DTNA: variants seen among roughly 807,000 people sequenced by gnomAD.
DTNA encodes the protein dystrobrevin alpha.
DTNA carries 43 observed loss-of-function variants against 100.7 expected under a neutral mutation model. That is an observed-to-expected ratio of 0.43 (90% confidence interval 0.33 to 0.55). The LOEUF (loss-of-function observed/expected upper bound fraction) is 0.55, where lower values mean the gene tolerates loss of function less well. DTNA is among the 20% of genes least tolerant of loss of function. The probability of loss-of-function intolerance (pLI) is 0.04; values close to 1 mark genes in which losing one functional copy is unlikely to be tolerated. For missense variants in DTNA, 798 were observed against 953.9 expected (o/e 0.84, Z 2.15); for synonymous variants, 349 against 347.9 (o/e 1.00, Z -0.04).
At chr18:34,609,617 C>G (rs1026928261) in intron 1 of DTNA, among the ~76,000 whole-genome samples, 1 of 152,120 alleles carries the variant, frequency 6.6e-6, no homozygotes, top group African/African-American at 2.4e-5. Flanking sequence ...CCTGATATAG[C>G]TACTGTCTTC....
chr18:34,667,206 A>G (rs1215568389), intron 1 of DTNA, among the ~76,000 whole-genome samples: 5 of 152,182 alleles, frequency 3.3e-5, no homozygotes, highest in African/African-American at 1.2e-4. Context: ...GAGTTCACTC[A>G]TGATTTGGCT....
At chr18:34,798,039 G>T (rs976473785) in intron 4 of DTNA, among the ~76,000 whole-genome samples, 2 of 152,014 alleles carry the variant, frequency 1.3e-5, no homozygotes, top group Non-Finnish European at 1.5e-5. Flanking sequence ...TCACTCTGCC[G>T]CCCAGGCTGG....
At chr18:34,740,554 A>G (rs987149005) in intron 1 of DTNA, among the ~76,000 whole-genome samples, 3 of 152,138 alleles carry the variant, frequency 2.0e-5, no homozygotes, top group African/African-American at 7.2e-5. Flanking sequence ...ATGGTCTCAA[A>G]AGTGTGGGAG....
chr18:34,731,482 T>C (rs896316714), intron 1 of DTNA, among the ~76,000 whole-genome samples: 6 of 146,272 alleles, frequency 4.1e-5, no homozygotes, highest in African/African-American at 1.3e-4. Context: ...CGAGACTCCG[T>C]CTCAAAAAAA....
chr18:34,528,280 A>G (rs1216733006), intron 1 of DTNA, among the ~76,000 whole-genome samples: 1 of 152,110 alleles, frequency 6.6e-6, no homozygotes, highest in Admixed American at 6.6e-5. Context: ...ACTGAAGAAG[A>G]GAATAACTTC....
intron 1 of DTNA, among the ~76,000 whole-genome samples, chr18:34,543,702 A>G (rs2145790976): frequency 6.6e-6 from 1 of 152,268 alleles, no homozygotes; most frequent in Non-Finnish European, 1.5e-5. Flanking sequence ...CAGTCAGTGT[A>G]CTGGGTTTAA....
chr18:34,860,263 T>C (rs2150088933), intron 16 of DTNA, among the ~76,000 whole-genome samples: 1 of 135,370 alleles, frequency 7.4e-6, no homozygotes, highest in South Asian at 2.5e-4. Context: ...GAGACGGGGT[T>C]TCACCATCTT....
At chr18:34,739,993 A>C (rs1364545797) in intron 1 of DTNA, among the ~76,000 whole-genome samples, 3 of 152,154 alleles carry the variant, frequency 2.0e-5, no homozygotes, top group African/African-American at 7.2e-5. Flanking sequence ...GACTGATTCA[A>C]GTTTCAAGCC....
chr18:34,674,077 T>C (rs2077106273), intron 1 of DTNA, among the ~76,000 whole-genome samples: 1 of 152,194 alleles, frequency 6.6e-6, no homozygotes, highest in Non-Finnish European at 1.5e-5. Flanking sequence ...GAGATTAGAT[T>C]AATTTCCCTG....
intron 1 of DTNA, among the ~76,000 whole-genome samples, chr18:34,598,058 C>A (rs61043149): frequency 2.0e-5 from 3 of 152,234 alleles, no homozygotes; most frequent in African/African-American, 7.2e-5. Flanking sequence ...TTAATATATT[C>A]TTTTCCATTC....
At chr18:34,657,328 G>T (rs888859738) in intron 1 of DTNA, among the ~76,000 whole-genome samples, 2 of 152,014 alleles carry the variant, frequency 1.3e-5, no homozygotes, top group Non-Finnish European at 2.9e-5. Context: ...CCCAAATATG[G>T]TACTTTTTTG....
intron 1 of DTNA, among the ~76,000 whole-genome samples, chr18:34,556,387 T>C (rs996453632): frequency 2.6e-5 from 4 of 152,038 alleles, no homozygotes; most frequent in East Asian, 1.9e-4. Context: ...GTTAATATTG[T>C]TATGTGTGAA....
At chr18:34,880,529 AG>A (rs1186732282) in intron 20 of DTNA, among the ~76,000 whole-genome samples, 1 of 152,202 alleles carries the variant, frequency 6.6e-6, no homozygotes, top group Non-Finnish European at 1.5e-5. Context: ...TGGGGGAGGG[AG>A]TTTCTGAATG....
Position 34,588,686 on chromosome 18 carries a change from A to AGTGTGTGTGTGTGCATGTGT in DTNA, c.-2+95185_-2+95186insCATGTGTGTGTGTGTGTGTG, listed in dbSNP as rs1555632822. 2.4e-3 allele frequency among the ~76,000 whole-genome samples: 363 copies of AGTGTGTGTGTGTGCATGTGT among 149,662 alleles called. 1 individual carries two copies. The highest frequency in any genetic ancestry group is 8.2e-3 in the African/African-American group (333 of 40,858). Reference sequence around the variant, plus strand: ...GCAATTATTCCTACTTGAATATTATAGTGTGTGTGTGTGTGTGTGTGTAGA... The same window carrying AGTGTGTGTGTGTGCATGTGT: ...GCAATTATTCCTACTTGAATATTATAGTGTGTGTGTGTGCATGTGTGTGTGTGTGTGTGTGTGTGTGTAGA... On this transcript the variant is annotated intron_variant, in intron 1 of 19. Transcript: ENST00000283365.
chr18:34,644,545 A>AT (rs1319915276), intron 1 of DTNA, among the ~76,000 whole-genome samples: 2 of 152,086 alleles, frequency 1.3e-5, no homozygotes, highest in Non-Finnish European at 2.9e-5. Flanking sequence ...AAACATCTCT[A>AT]TTTTTGAGTT....
At chr18:34,671,747 C>G (rs1264692090) in intron 1 of DTNA, among the ~76,000 whole-genome samples, 1 of 151,908 alleles carries the variant, frequency 6.6e-6, no homozygotes, top group East Asian at 1.9e-4. Flanking sequence ...TCCTTTCTTC[C>G]TTTATTTCTT....
intron 22 of DTNA, among the ~76,000 whole-genome samples, chr18:34,887,454 A>C (rs542472979): frequency 2.0e-5 from 3 of 152,204 alleles, no homozygotes; most frequent in African/African-American, 7.2e-5. Flanking sequence ...CACTGGTTTT[A>C]TCTCTTTGTC....
intron 1 of DTNA, among the ~76,000 whole-genome samples, chr18:34,649,041 C>T (rs1486698955): frequency 1.3e-5 from 2 of 152,134 alleles, no homozygotes; most frequent in African/African-American, 4.8e-5. Context: ...TCTGCTCTTT[C>T]GGAGACCATT....
chr18:34,864,593 G>C (rs1388498555), intron 17 of DTNA, among the ~76,000 whole-genome samples: 1 of 152,176 alleles, frequency 6.6e-6, no homozygotes, highest in Non-Finnish European at 1.5e-5. Flanking sequence ...AGACTGCTGA[G>C]GGCCTTCATG....
Sources: allele counts gnomAD v4.1 joint callset (sites outside exome capture counted in the v4.1 genomes callset), GRCh38; gene constraint gnomAD v4.1.1; transcripts MANE v1.5; gene names NCBI Gene and HGNC (gene_info 2026-07-23, HGNC 2026-07-21).